VBP1: variants seen among roughly 807,000 people sequenced by gnomAD.
The protein encoded by VBP1 is VHL binding protein 1.
A neutral mutation model predicts 15.5 loss-of-function variants in VBP1; 4 were observed. The observed-to-expected ratio is 0.26, with a 90% confidence interval of 0.13 to 0.59. The LOEUF (loss-of-function observed/expected upper bound fraction) is 0.59. Ranked by LOEUF, VBP1 falls within the 20% of genes least tolerant of loss-of-function variation. The probability of loss-of-function intolerance (pLI) is 0.90; values close to 1 mark genes in which losing one functional copy is unlikely to be tolerated. For missense variants in VBP1, 108 were observed against 139.6 expected (o/e 0.77, Z 1.14); for synonymous variants, 61 against 52.1 (o/e 1.17, Z -0.74).
chrX:155,223,845 C>T (rs150847435), intron 2 of VBP1, among the ~76,000 whole-genome samples: 39,362 of 105,929 alleles, frequency 0.37, 6,313 homozygotes, highest in African/African-American at 0.61. Context: ...ACCTGCCGGA[C>T]GGGGCGGCTG....
intron 2 of VBP1, among the ~76,000 whole-genome samples, chrX:155,225,283 T>G (rs1337024568): frequency 9.0e-6 from 1 of 111,699 alleles, no homozygotes; most frequent in African/African-American, 3.3e-5. Context: ...AACCTCCACC[T>G]CCTGGATTCA....
At chrX:155,214,768 C>CTTTTTTTTTTTTTTTTTTTTTTTTTTTTT (rs782556765), upstream of VBP1, among the ~76,000 whole-genome samples, 1 of 83,076 alleles carries the variant, frequency 1.2e-5, no homozygotes, top group Non-Finnish European at 2.2e-5. Context: ...TTTTCTTTTC[C>CTTTTTTTTTTTTTTTTTTTTTTTTTTTTT]TTTTTTTTTT....
At chrX:155,230,063 CT>C (rs2074738141) in intron 4 of VBP1, among the ~76,000 whole-genome samples, 1 of 111,593 alleles carries the variant, frequency 9.0e-6, no homozygotes, top group Admixed American at 9.5e-5. Context: ...GCTTTAACAA[CT>C]GAAATGGACT....
At chrX:155,223,110 C>CTT (rs202157365) in intron 2 of VBP1, among the ~76,000 whole-genome samples, 6 of 70,825 alleles carry the variant, frequency 8.5e-5, no homozygotes, top group Non-Finnish European at 1.1e-4. Context: ...ACATGCTAGC[C>CTT]TTTTTGTTTT....
At position 155,199,157 on chromosome X, in the gene VBP1, G is replaced by T. The variant is rs1232676031; in HGVS notation, c.-31+2018G>T. ...TTGGTGTACCTGAAAGTGACGGGGA[G>T]AATGGAACCAAGTTGGAAAACACTC... On this transcript the variant is annotated intron_variant, in intron 1 of 6. Transcript: ENST00000535916. Among the ~76,000 whole-genome samples the T allele has an allele frequency of 1.8e-5, 2 of 111,587 alleles. 1 individual carries two copies. Among genetic ancestry groups the T allele is most frequent in the Non-Finnish European group, 3.8e-5 (2 of 52,907 alleles).
chrX:155,207,158 G>A (rs1557308124), intron 1 of VBP1, among the ~76,000 whole-genome samples: 1 of 111,436 alleles, frequency 9.0e-6, no homozygotes, highest in South Asian at 3.8e-4. Context: ...GAAGGGCTAC[G>A]TAAAAAGCCA....
intron 1 of VBP1, among the ~76,000 whole-genome samples, chrX:155,200,255 G>A (rs1474235416): frequency 9.4e-5 from 10 of 105,827 alleles, no homozygotes; most frequent in Admixed American, 4.1e-4. Context: ...TGCACCAAGC[G>A]GACCTAATAG....
At chrX:155,208,973 G>C (rs1557308303) in exon 2 of VBP1, 1 of 1,154,706 alleles carries the variant, frequency 8.7e-7, no homozygotes, top group African/African-American at 1.8e-5. Flanking sequence ...TCCATCCCCA[G>C]AGCATCAGGT....
chrX:155,222,108 G>T (rs2074692104), intron 2 of VBP1, among the ~76,000 whole-genome samples: 1 of 112,533 alleles, frequency 8.9e-6, no homozygotes, highest in Non-Finnish European at 1.9e-5. Flanking sequence ...CTGCTTTTGT[G>T]ATAGTAAAAG....
In VBP1 at chrX:155,231,255, C is replaced by T. The variant is rs1420566534; in HGVS notation, c.384+2773C>T. On this transcript the variant is annotated intron_variant, in intron 4 of 5. Coordinates refer to ENST00000286428, the MANE Select transcript of VBP1 (RefSeq NM_003372.7). Reference sequence around the variant, plus strand: ...ATTTATGCTCATTCTTTTGCTCACTCTGCTGTAGCCATGGTGGCCCCCTAA... The same window carrying T: ...ATTTATGCTCATTCTTTTGCTCACTTTGCTGTAGCCATGGTGGCCCCCTAA... 2.7e-5 allele frequency among the ~76,000 whole-genome samples: 3 copies of T among 112,073 alleles called. No homozygotes were observed. The Admixed American group carries it at 2.8e-4, about 11-fold the overall frequency.
chrX:155,234,420 C>A (rs1569560997), intron 4 of VBP1, among the ~76,000 whole-genome samples: 1 of 110,704 alleles, frequency 9.0e-6, no homozygotes, highest in Non-Finnish European at 1.9e-5. Context: ...GCGCCTGGCC[C>A]CCCTGTTTCT....
intron 5 of VBP1, among the ~76,000 whole-genome samples, chrX:155,236,997 AAGTT>A (rs1281400873): frequency 8.9e-6 from 1 of 112,645 alleles, no homozygotes; most frequent in Non-Finnish European, 1.9e-5. Context: ...AACTATAAGT[AAGTT>A]AACATATGCA....
intron 4 of VBP1, among the ~76,000 whole-genome samples, chrX:155,229,342 GT>G (rs1453562548): frequency 8.9e-6 from 1 of 112,709 alleles, no homozygotes; most frequent in Non-Finnish European, 1.9e-5. Context: ...TCTGTATTCA[GT>G]TTTTTTGTAG....
upstream of VBP1, among the ~76,000 whole-genome samples, chrX:155,211,493 TA>T (rs1180621511): frequency 8.9e-6 from 1 of 112,359 alleles, no homozygotes; most frequent in African/African-American, 3.2e-5. Flanking sequence ...CTTAAGTATT[TA>T]TAGGCTGATA....
intron 1 of VBP1, among the ~76,000 whole-genome samples, chrX:155,198,901 C>T (rs921910125): frequency 9.8e-5 from 11 of 111,810 alleles, no homozygotes; most frequent in Non-Finnish European, 2.1e-4. Flanking sequence ...AACCAATACA[C>T]AGACATGCTT....
intron 1 of VBP1, among the ~76,000 whole-genome samples, chrX:155,197,815 A>C (rs1298211967): frequency 8.9e-6 from 1 of 112,623 alleles, no homozygotes; most frequent in Non-Finnish European, 1.9e-5. Context: ...GCATTGCCTC[A>C]CTTGGGAAGT....
intron 2 of VBP1, among the ~76,000 whole-genome samples, chrX:155,226,095 C>G (rs1322028172): frequency 9.0e-6 from 1 of 111,699 alleles, no homozygotes. Flanking sequence ...AAATTTACCT[C>G]GAAAGAACCA....
intron 1 of VBP1, among the ~76,000 whole-genome samples, chrX:155,217,405 A>C (rs782513007): frequency 8.9e-6 from 1 of 112,572 alleles, no homozygotes; most frequent in South Asian, 3.6e-4. Flanking sequence ...AATGAGAGAA[A>C]ACATCTGACT....
chrX:155,228,496 A>G lies in VBP1; in HGVS notation c.384+14A>G, dbSNP rs1557310498. The G allele has an allele frequency of 3.5e-6, 4 of 1,151,642 alleles. No individual in the cohort carries two copies. The highest frequency in any genetic ancestry group is 2.3e-5 in the Admixed American group (1 of 44,430). The allele number at this position is 1,151,642 out of a possible 1,213,427, so 94.9% of individuals were successfully genotyped here. On this transcript the variant is annotated intron_variant, in intron 4 of 5. Coordinates refer to ENST00000286428, the MANE Select transcript of VBP1 (RefSeq NM_003372.7). Reference sequence around the variant, plus strand: ...CTGTGGTTGGGGGTAAGTAAATGTTATAGCCACAGCTGATATATTTGTAAA... The same window carrying G: ...CTGTGGTTGGGGGTAAGTAAATGTTGTAGCCACAGCTGATATATTTGTAAA...
Sources: allele counts gnomAD v4.1 joint callset (sites outside exome capture counted in the v4.1 genomes callset), GRCh38; gene constraint gnomAD v4.1.1; transcripts MANE v1.5; gene names NCBI Gene and HGNC (gene_info 2026-07-23, HGNC 2026-07-21).